The following SCUBE1 variants were observed in gnomAD, a reference collection of about 807,000 sequenced individuals.
The protein encoded by SCUBE1 is signal peptide, CUB domain and EGF like domain containing 1.
Under a neutral mutation model 124.4 loss-of-function variants are expected in SCUBE1, and 59 were observed. The ratio of observed to expected loss-of-function variants is 0.47; its 90% CI spans 0.38 to 0.59. The LOEUF (loss-of-function observed/expected upper bound fraction) is 0.59. Among genes scored for constraint, SCUBE1 ranks in the 20% least tolerant of loss-of-function variants. The probability of loss-of-function intolerance (pLI) is 0.00; values close to 1 mark genes in which losing one functional copy is unlikely to be tolerated. For synonymous variants in SCUBE1, 545 were observed against 550.9 expected, an observed-to-expected ratio of 0.99 and a Z score of 0.15; for missense variants, 1,150 against 1,371.2, an observed-to-expected ratio of 0.84 and a Z score of 2.55.
chr22:43,207,460 G>T (rs34576033), intron 21 of SCUBE1, 74 bp downstream of exon 21: 41,662 of 1,181,528 alleles, frequency 0.035, 955 homozygotes, highest in Admixed American at 0.075. Flanking sequence ...CCAGGGCTGG[G>T]GCAGGGGCGG....
intron 4 of SCUBE1, among the ~76,000 whole-genome samples, chr22:43,288,263 G>A (rs1428646085): frequency 1.3e-5 from 2 of 152,162 alleles, no homozygotes; most frequent in Non-Finnish European, 2.9e-5. Context: ...GCATCTGGGT[G>A]GAGTGAGCCA....
At chr22:43,244,382 C>G (rs545827622) in intron 6 of SCUBE1, among the ~76,000 whole-genome samples, 2 of 152,348 alleles carry the variant, frequency 1.3e-5, no homozygotes, top group African/African-American at 4.8e-5. Context: ...AGGGCAGCGT[C>G]AAGGTGACCA....
chr22:43,308,854 C>T lies in SCUBE1; in HGVS notation c.349+11083G>A, dbSNP rs147102511. Among the ~76,000 whole-genome samples, 294 of 152,368 alleles carry T rather than the reference C, an allele frequency of 1.9e-3. 4 individuals carry two copies. Among genetic ancestry groups the T allele is most frequent in the African/African-American group, 6.7e-3 (277 of 41,592 alleles). On this transcript the variant is annotated intron_variant, in intron 3 of 21. Transcript: ENST00000360835. Reference sequence around the variant, plus strand: ...CTGATCCTAACAGACAGGGACCGACCCCATTTCACAGAGACCAAAACTCCG... The same window carrying T: ...CTGATCCTAACAGACAGGGACCGACTCCATTTCACAGAGACCAAAACTCCG...
Position 43,204,153 on chromosome 22 carries a change from T to G in SCUBE1, c.2815-4A>C, listed in dbSNP as rs765382361. 30 of 1,613,356 alleles carry G rather than the reference T, an allele frequency of 1.9e-5. No homozygotes were observed. The highest frequency in any genetic ancestry group is 2.5e-5 in the Non-Finnish European group (29 of 1,179,854). ...GGGCCTTGATCAGCTTCTTGTCCTG[T>G]AAGATAGAGTGGGTGGGAGGCAGGG... On this transcript the variant is annotated splice_region_variant and splice_polypyrimidine_tract_variant and intron_variant, in intron 21 of 21. Coordinates refer to ENST00000360835, the MANE Select transcript of SCUBE1 (RefSeq NM_173050.5).
intron 9 of SCUBE1, among the ~76,000 whole-genome samples, chr22:43,228,608 G>A (rs913244770): frequency 1.3e-5 from 2 of 152,114 alleles, no homozygotes; most frequent in African/African-American, 2.4e-5. Flanking sequence ...GCTGCCTCTC[G>A]GTCCTTCTGT....
Position 43,210,454 on chromosome 22 carries a change from G to A in SCUBE1, c.2384-214C>T, listed in dbSNP as rs1921495461. Among the ~76,000 whole-genome samples the A allele has an allele frequency of 1.3e-5, 2 of 151,522 alleles. No individual in the cohort carries two copies. Among genetic ancestry groups the A allele is most frequent in the South Asian group, 2.1e-4 (1 of 4,812 alleles). ...GGCAGGTCCCCTGTTCAGGCCTGTG[G>A]TTCCCTGAGGCCCAGCCTGGGGGCT... On this transcript the variant is annotated intron_variant, in intron 18 of 21. Transcript: ENST00000360835. This position sits in a 1 kb window ranked among gnomAD's most constrained non-coding sequence, Gnocchi z 4.5.
intron 2 of SCUBE1, among the ~76,000 whole-genome samples, chr22:43,323,369 T>C (rs1926620378): frequency 6.6e-6 from 1 of 152,132 alleles, no homozygotes; most frequent in Non-Finnish European, 1.5e-5. Context: ...TTCAAATATC[T>C]ACTCAACCAT....
intron 3 of SCUBE1, among the ~76,000 whole-genome samples, chr22:43,299,421 C>T (rs867024538): frequency 6.6e-5 from 10 of 152,204 alleles, no homozygotes; most frequent in Non-Finnish European, 1.0e-4. Context: ...CAAGTGAAGC[C>T]GCTCGGCTCC....
chr22:43,259,105 A>C (rs533644685), intron 5 of SCUBE1, among the ~76,000 whole-genome samples: 141 of 152,370 alleles, frequency 9.3e-4, no homozygotes, highest in African/African-American at 3.2e-3. Context: ...CAGAACAGAA[A>C]GGAGTCTGAA....
intron 2 of SCUBE1, among the ~76,000 whole-genome samples, chr22:43,329,577 A>C (rs541051089): frequency 1.3e-5 from 2 of 152,218 alleles, no homozygotes; most frequent in African/African-American, 4.8e-5. Flanking sequence ...TCCTGGAGAG[A>C]GGGGTGCACC....
rs145598529 is a variant in SCUBE1, at chr22:43,258,316, G to A, written c.630C>T (p.Asn210=). 4.5e-5 allele frequency: 73 copies of A among 1,613,888 alleles called. No individual in the cohort carries two copies. The highest frequency in any genetic ancestry group is 2.8e-4 in the African/African-American group (21 of 75,032). ...KDCTLTCNYG[N]GGCQHSCEDT... The stretch of plus-strand genomic sequence containing the variant: ...CCTCACAGCTGTGCTGGCAGCCTCC[G>A]TTTCCATAATTACAGGTTACTAGTT... Residue 210 remains asparagine (N), a synonymous_variant, in exon 6 of 22, where the codon AAC becomes AAT. Transcript: ENST00000360835. The surrounding 1 kb of genome is among the most constrained non-coding windows in gnomAD (Gnocchi z 5.0).
chr22:43,303,579 C>T (rs755806189), intron 3 of SCUBE1, among the ~76,000 whole-genome samples: 6 of 152,224 alleles, frequency 3.9e-5, no homozygotes, highest in South Asian at 2.1e-4. Context: ...GGAAGCTTCA[C>T]GGAAAAGGGG....
rs568235324 is a variant in SCUBE1 at position 43,327,510 on chromosome 22, G to A, written c.221-7445C>T. ...ATGAAAAGATTCTAACATTGGACTC[G>A]GCAGGGTAGCTCACGCCTGTAATCC... On this transcript the variant is annotated intron_variant, in intron 2 of 21. Coordinates refer to ENST00000360835, the MANE Select transcript of SCUBE1 (RefSeq NM_173050.5). 3.3e-5 allele frequency among the ~76,000 whole-genome samples: 5 copies of A among 152,282 alleles called. No individual in the cohort carries two copies. The South Asian group carries it at 6.2e-4, about 19-fold the overall frequency.
At position 43,211,485 on chromosome 22, in the gene SCUBE1, G is replaced by A. The variant is rs970590841; in HGVS notation, c.2222-402C>T. ...GGAGAGACAGGCGGCCGGAGTCTGA[G>A]GGGTGCCGGGGCGGGGGGCTAGAGA... On this transcript the variant is annotated intron_variant, in intron 17 of 21. Coordinates refer to ENST00000360835, the MANE Select transcript of SCUBE1 (RefSeq NM_173050.5). This position sits in a 1 kb window ranked among gnomAD's most constrained non-coding sequence, Gnocchi z 4.5. Among the ~76,000 whole-genome samples, 1 of 152,026 alleles carries A rather than the reference G, an allele frequency of 6.6e-6. No individual in the cohort carries two copies. The highest frequency in any genetic ancestry group is 1.5e-5 in the Non-Finnish European group (1 of 67,980).
intron 21 of SCUBE1, among the ~76,000 whole-genome samples, 163 bp from the exon 22 acceptor site, chr22:43,204,312 AT>A (rs1414272331): frequency 2.0e-5 from 3 of 151,384 alleles, no homozygotes; most frequent in African/African-American, 4.9e-5. Context: ...TTATTTGTTT[AT>A]TTTTTTTGAG....
At chr22:43,260,646 C>G (rs1319743621) in intron 5 of SCUBE1, among the ~76,000 whole-genome samples, 2 of 152,272 alleles carry the variant, frequency 1.3e-5, no homozygotes, top group East Asian at 3.8e-4. Flanking sequence ...GCTCGCTGGG[C>G]AGCTGCCTGT....
intron 4 of SCUBE1, among the ~76,000 whole-genome samples, chr22:43,276,827 C>G (rs1350887809): frequency 6.6e-6 from 1 of 152,222 alleles, no homozygotes; most frequent in East Asian, 1.9e-4. Context: ...TTTCCAGGGC[C>G]TCTGCTACTT....
At chr22:43,220,297 C>T (rs1450063395) in intron 14 of SCUBE1, among the ~76,000 whole-genome samples, 153 bp downstream of exon 14, 1 of 152,184 alleles carries the variant, frequency 6.6e-6, no homozygotes, top group Non-Finnish European at 1.5e-5. Context: ...TGCTTGTGGG[C>T]CTGCCTCTGT....
At chr22:43,280,732 T>C (rs79850514) in intron 4 of SCUBE1, among the ~76,000 whole-genome samples, 592 of 51,084 alleles carry the variant, frequency 0.012, 4 homozygotes, top group East Asian at 0.055. Flanking sequence ...CCTGTCACCT[T>C]CCTCCTCGGC....
Sources: allele counts gnomAD v4.1 joint callset (sites outside exome capture counted in the v4.1 genomes callset), GRCh38; gene constraint gnomAD v4.1.1; non-coding constraint Gnocchi (gnomAD v3.1); transcripts MANE v1.5; gene names NCBI Gene and HGNC (gene_info 2026-07-23, HGNC 2026-07-21).